Variants in SYT1 observed in about 807,000 individuals in gnomAD.
The protein encoded by SYT1 is synaptotagmin-1.
SYT1 carries 8 observed loss-of-function variants against 44.8 expected under a neutral mutation model. That is an observed-to-expected ratio of 0.18 (90% CI 0.10 to 0.32). The LOEUF is 0.32. SYT1 is among the 10% of genes least tolerant of loss of function. The pLI is 1.00. For synonymous variants in SYT1, 154 were observed against 188.8 expected, an observed-to-expected ratio of 0.82 and a Z score of 1.51; for missense variants, 286 against 509.3, an observed-to-expected ratio of 0.56 and a Z score of 4.22.
chr12:78,872,286 T>C (rs549757785), intron 1 of SYT1, among the ~76,000 whole-genome samples: 1 of 151,806 alleles, frequency 6.6e-6, no homozygotes. Context: ...AGATACTTTC[T>C]GAACCACTCT....
At chr12:79,395,551 T>C (rs557409393) in intron 9 of SYT1, among the ~76,000 whole-genome samples, 62 of 152,168 alleles carry the variant, frequency 4.1e-4, no homozygotes, top group African/African-American at 1.4e-3. Flanking sequence ...GATTTTGTTT[T>C]TTGGCTTTTG....
At chr12:79,238,320 C>G (rs1176822507) in intron 4 of SYT1, among the ~76,000 whole-genome samples, 1 of 151,934 alleles carries the variant, frequency 6.6e-6, no homozygotes, top group Non-Finnish European at 1.5e-5. Context: ...TCTTTTTGGA[C>G]CATTAAAGAA....
intron 3 of SYT1, among the ~76,000 whole-genome samples, chr12:79,147,317 A>C (rs749894014): frequency 6.6e-6 from 1 of 152,190 alleles, no homozygotes; most frequent in South Asian, 2.1e-4. Context: ...TTTTCTAAGT[A>C]TATGAAAAGG....
intron 3 of SYT1, among the ~76,000 whole-genome samples, chr12:79,080,063 G>A (rs1876923365): frequency 6.6e-6 from 1 of 152,022 alleles, no homozygotes; most frequent in Non-Finnish European, 1.5e-5. Flanking sequence ...GTGAGTCATT[G>A]TTACCAAAGT....
rs1468791648 is a variant in SYT1, at chr12:79,052,118, C to A, written c.-18+4756C>A. ...CATTGAATCTATAAATTACCTTGGGCAGTATGGCCATTTTCACAATATTGA... is the reference window on the plus strand; with the variant it reads ...CATTGAATCTATAAATTACCTTGGGAAGTATGGCCATTTTCACAATATTGA... On this transcript the variant is annotated intron_variant, in intron 3 of 10. Transcript: ENST00000261205. Among the ~76,000 whole-genome samples, 5 of 152,108 alleles carry A rather than the reference C, an allele frequency of 3.3e-5. No homozygotes were observed. The East Asian group carries it at 5.8e-4, about 18-fold the overall frequency.
chr12:78,888,237 T>C (rs978984160), intron 1 of SYT1, among the ~76,000 whole-genome samples: 7 of 151,890 alleles, frequency 4.6e-5, no homozygotes, highest in African/African-American at 1.7e-4. Flanking sequence ...CATATAATTG[T>C]ATAAAGTTAG....
chr12:79,206,489 G>A (rs1177586949), intron 3 of SYT1, among the ~76,000 whole-genome samples: 1 of 150,606 alleles, frequency 6.6e-6, no homozygotes, highest in African/African-American at 2.5e-5. Context: ...AGATACCACA[G>A]ATTTTAAGAA....
chr12:79,401,813 G>A (rs1281257301), intron 9 of SYT1, among the ~76,000 whole-genome samples: 1 of 151,950 alleles, frequency 6.6e-6, no homozygotes, highest in Admixed American at 6.6e-5. Context: ...AGGACTACAG[G>A]CAGGAGCCAC....
At chr12:78,955,686 T>C (rs999877094) in intron 1 of SYT1, 1 of 151,996 alleles carries the variant, frequency 6.6e-6, no homozygotes, top group Non-Finnish European at 1.5e-5. Context: ...ACCACAGCAA[T>C]TGGTTTTAGT....
intron 1 of SYT1, among the ~76,000 whole-genome samples, chr12:78,957,524 T>C (rs1252910951): frequency 1.3e-5 from 2 of 152,188 alleles, no homozygotes; most frequent in Non-Finnish European, 2.9e-5. Context: ...GACTTTATTT[T>C]GAAGCTTTAA....
chr12:79,249,626 T>C (rs138118049), intron 4 of SYT1, among the ~76,000 whole-genome samples: 1 of 152,278 alleles, frequency 6.6e-6, no homozygotes, highest in African/African-American at 2.4e-5. Flanking sequence ...GCTAAGTACC[T>C]GCAGGAAGGA....
At chr12:78,914,680 C>T (rs1201803109) in intron 1 of SYT1, among the ~76,000 whole-genome samples, 14 of 151,878 alleles carry the variant, frequency 9.2e-5, no homozygotes, top group Admixed American at 9.2e-4. Flanking sequence ...TTTATGGTTC[C>T]TATACCTTTT....
At chr12:78,953,192 G>A (rs1879052503) in intron 1 of SYT1, among the ~76,000 whole-genome samples, 1 of 152,062 alleles carries the variant, frequency 6.6e-6, no homozygotes, top group Non-Finnish European at 1.5e-5. Flanking sequence ...AGACTATTGT[G>A]AGTCTGGAGA....
chr12:79,293,191 A>G (rs10861798), intron 6 of SYT1, among the ~76,000 whole-genome samples: 103,250 of 148,732 alleles, frequency 0.69, 37,669 homozygotes, highest in African/African-American at 0.92. Context: ...GGGCGTGGTG[A>G]CAGGCGCCTG....
chr12:79,369,890 A>G (rs1247703584), intron 9 of SYT1, among the ~76,000 whole-genome samples: 1 of 152,226 alleles, frequency 6.6e-6, no homozygotes, highest in Non-Finnish European at 1.5e-5. Flanking sequence ...AGAATTTAGT[A>G]TTTGCTTACA....
At chr12:79,216,640 C>G (rs970279485) in intron 3 of SYT1, among the ~76,000 whole-genome samples, 2 of 152,082 alleles carry the variant, frequency 1.3e-5, no homozygotes, top group Non-Finnish European at 2.9e-5. Context: ...GAACTGATGT[C>G]TTCTGAATTC....
intron 3 of SYT1, among the ~76,000 whole-genome samples, chr12:79,157,114 C>T (rs1870646892): frequency 6.6e-6 from 1 of 152,108 alleles, no homozygotes; most frequent in Non-Finnish European, 1.5e-5. Flanking sequence ...TCTGGGTCAC[C>T]CATCCCTGCT....
intron 3 of SYT1, among the ~76,000 whole-genome samples, chr12:79,096,512 G>A (rs1056909786): frequency 6.6e-6 from 1 of 151,960 alleles, no homozygotes; most frequent in Non-Finnish European, 1.5e-5. Context: ...CAGAAGATAC[G>A]TTTCTTAACA....
chr12:79,070,289 T>C (rs17046333), intron 3 of SYT1, among the ~76,000 whole-genome samples: 4,492 of 152,196 alleles, frequency 0.03, 124 homozygotes, highest in Middle Eastern at 0.092. Context: ...CTCAAGAAAT[T>C]CTAACAACAC....
Sources: gnomAD v4.1 joint callset for allele counts (sites outside exome capture counted in the v4.1 genomes callset) on GRCh38, gnomAD v4.1.1 for gene constraint, MANE v1.5 for transcripts, NCBI Gene and HGNC (gene_info 2026-07-23, HGNC 2026-07-21) for gene names.